Variants in C11orf21 observed in about 807,000 individuals in gnomAD.
C11orf21 encodes uncharacterized protein C11orf21.
Under a neutral mutation model 15.2 loss-of-function variants are expected in C11orf21, and 19 were observed. That is an observed-to-expected ratio of 1.25 (90% confidence interval 0.87 to 1.84). The LOEUF is 1.84. Ranked by LOEUF, C11orf21 falls within the 40% of genes most tolerant of loss-of-function variation. The pLI, the probability that C11orf21 is intolerant of heterozygous loss-of-function variation, is 0.00. For synonymous variants in C11orf21, 62 were observed against 66.8 expected, an observed-to-expected ratio of 0.93 and a Z score of 0.35; for missense variants, 171 against 174.4, an observed-to-expected ratio of 0.98 and a Z score of 0.11.
In C11orf21 at chr11:2,301,884, A is replaced by T. The variant is rs971146996; in HGVS notation, c.-76T>A. On this transcript the variant is annotated 5_prime_UTR_variant, in exon 1 of 4. Coordinates refer to ENST00000381153, the MANE Select transcript of C11orf21 (RefSeq NM_001329958.2). ...CATGTCTTCCTGGGAAGGGCCTCAG[A>T]TGTCAGCAAATGCCCTGGTGTCTTG... The T allele has an allele frequency of 4.1e-5, 64 of 1,547,288 alleles. No homozygotes were observed. Among genetic ancestry groups the T allele is most frequent in the Non-Finnish European group, 4.8e-5 (55 of 1,146,272 alleles).
In C11orf21 at chr11:2,299,427, C is replaced by G. The variant is rs2133268434; in HGVS notation, c.*28+1G>C. On this transcript the variant is annotated splice_donor_variant, in intron 3 of 3. Coordinates refer to ENST00000381153, the MANE Select transcript of C11orf21 (RefSeq NM_001329958.2). LOFTEE classifies it low-confidence loss of function (3UTR_SPLICE). ...TCCAGCCTCAGAGCCCGGCTGCTCA[C>G]CTCTGATGGACAGAAAAGGGTCCCT... 6.5e-7 allele frequency: 1 copy of G among 1,548,634 alleles called. No individual in the cohort carries two copies. The highest frequency in any genetic ancestry group is 2.4e-5 in the East Asian group (1 of 40,884).
chr11:2,297,251 A>G lies in C11orf21; in HGVS notation c.*699T>C, dbSNP rs1015172474. 2.0e-5 allele frequency: 3 copies of G among 152,372 alleles called. No individual in the cohort carries two copies. Among genetic ancestry groups the G allele is most frequent in the African/African-American group, 7.2e-5 (3 of 41,430 alleles). 9.4% of individuals were successfully genotyped at this position (152,372 alleles called of 1,614,324 possible). ...TGAGGTTGCTTCTCAGGGGAGCACC[A>G]CTGGTGGGCTGTCAGCTCCTGCCTG... On this transcript the variant is annotated 3_prime_UTR_variant, in exon 4 of 4. Coordinates refer to ENST00000381153, the MANE Select transcript of C11orf21 (RefSeq NM_001329958.2).
In C11orf21 at chr11:2,301,552, G is replaced by A. The variant is rs142247339; in HGVS notation, c.53+204C>T. 1,114 of 511,584 alleles carry A rather than the reference G, an allele frequency of 2.2e-3. 13 individuals carry two copies. The highest frequency in any genetic ancestry group is 0.019 in the African/African-American group (1,002 of 51,438). 31.7% of individuals were successfully genotyped at this position (511,584 alleles called of 1,614,324 possible). Reference sequence around the variant, plus strand: ...CCCTGTGGCCCCAAGAAGGCTCTGCGACAAAATATCCATGAGTGCCGCCCA... The same window carrying A: ...CCCTGTGGCCCCAAGAAGGCTCTGCAACAAAATATCCATGAGTGCCGCCCA... On this transcript the variant is annotated intron_variant, in intron 1 of 3. Coordinates refer to ENST00000381153, the MANE Select transcript of C11orf21 (RefSeq NM_001329958.2).
chr11:2,302,017 C>T (rs757112917), upstream of C11orf21: 11 of 1,492,734 alleles, frequency 7.4e-6, no homozygotes, highest in African/African-American at 4.2e-5. Context: ...GGTCCTAGGG[C>T]GATGTTGACA....
At chr11:2,302,580 A>G, upstream of C11orf21, 1 of 551,274 alleles carries the variant, frequency 1.8e-6, no homozygotes, top group East Asian at 3.1e-5. Flanking sequence ...CCGTAGACAC[A>G]ATGATCAGAG....
chr11:2,298,336 G>A (rs1224436051), intron 3 of C11orf21, among the ~76,000 whole-genome samples: 1 of 152,180 alleles, frequency 6.6e-6, no homozygotes, highest in Non-Finnish European at 1.5e-5. Context: ...TCCTGAGAGA[G>A]GCAACACTGC....
chr11:2,299,658 T>C lies in C11orf21; in HGVS notation c.197A>G (p.His66Arg). 1 of 1,551,006 alleles carries C rather than the reference T, an allele frequency of 6.4e-7. No homozygotes were observed. The highest frequency in any genetic ancestry group is 8.7e-7 in the Non-Finnish European group (1 of 1,146,892). ...GGTGGCAGGTGGAACAAGGGCACCA[T>C]GGGCGGAGGGTTGGGCAGCTGCAGG... ...MPPAAAQPSA[H>R]GALVPPATAH... The change falls in exon 3 of 4, where the codon CAT (histidine) becomes CGT (arginine). Residue 66 changes from histidine to arginine, a missense_variant. Transcript: ENST00000381153.
At chr11:2,301,666 T>C (rs768587799) in intron 1 of C11orf21, 90 bp downstream of exon 1, 104 of 1,029,698 alleles carry the variant, frequency 1.0e-4, no homozygotes, top group Non-Finnish European at 1.3e-4. Context: ...TCAATAATGA[T>C]GTTCCAAGGA....
At chr11:2,300,667 T>A (rs1232488013) in intron 1 of C11orf21, 54 bp from the exon 2 acceptor site, 3 of 1,549,668 alleles carry the variant, frequency 1.9e-6, no homozygotes, top group Non-Finnish European at 2.6e-6. Flanking sequence ...CCCGCCCTGC[T>A]CCGAAATTCT....
At chr11:2,300,343 G>C (rs1307631519) in intron 2 of C11orf21, among the ~76,000 whole-genome samples, 177 bp downstream of exon 2, 1 of 145,034 alleles carries the variant, frequency 6.9e-6, no homozygotes, top group Non-Finnish European at 1.5e-5. Context: ...GGTGTGCGGG[G>C]TGGGCAGGAG....
At chr11:2,301,094 C>T (rs992517036) in intron 1 of C11orf21, 51 of 352,344 alleles carry the variant, frequency 1.4e-4, no homozygotes, top group South Asian at 1.4e-3. Flanking sequence ...TCCTGGTTCT[C>T]CCTCCGCAGA....
chr11:2,295,761 T>C lies in C11orf21; in HGVS notation c.*2189A>G, dbSNP rs944159630. On this transcript the variant is annotated 3_prime_UTR_variant, in exon 4 of 4. Transcript: ENST00000381153. The surrounding 1 kb of genome is among the most constrained non-coding windows in gnomAD (Gnocchi z 5.4). ...AACCTGATCAATGACTAGGTCAATATTGGTTCATCAATTGCAAAGATGTAT... is the reference window on the plus strand; with the variant it reads ...AACCTGATCAATGACTAGGTCAATACTGGTTCATCAATTGCAAAGATGTAT... 6.6e-6 allele frequency: 1 copy of C among 152,186 alleles called. No individual in the cohort carries two copies. Among genetic ancestry groups the C allele is most frequent in the Non-Finnish European group, 1.5e-5 (1 of 68,044 alleles). 9.4% of individuals were successfully genotyped at this position (152,186 alleles called of 1,614,324 possible).
At chr11:2,298,566 C>T (rs1431355052) in intron 3 of C11orf21, among the ~76,000 whole-genome samples, 2 of 151,934 alleles carry the variant, frequency 1.3e-5, no homozygotes, top group Non-Finnish European at 2.9e-5. Context: ...CTGCCCAGGC[C>T]CGGGGGGTCA....
chr11:2,301,927 C>G (rs1847773832), upstream of C11orf21: 1 of 1,528,186 alleles, frequency 6.5e-7, no homozygotes, highest in Non-Finnish European at 8.8e-7. Context: ...CTGGGGGCAC[C>G]AGGGTGAGGT....
In C11orf21 at chr11:2,299,356, C is replaced by G. The variant is rs1007080492; in HGVS notation, c.*28+72G>C. On this transcript the variant is annotated intron_variant, in intron 3 of 3. Coordinates refer to ENST00000381153, the MANE Select transcript of C11orf21 (RefSeq NM_001329958.2). ...AGGTGGGAAGCTCTTGAGTGCCTCC[C>G]CGGTGGGAGGGGCCGCGCTCACAGA... is the stretch of plus-strand genomic sequence containing the variant. 2.1e-6 allele frequency: 3 copies of G among 1,460,276 alleles called. No homozygotes were observed. In the African/African-American group the frequency reaches 4.2e-5, roughly 21 times the overall value. 90.5% of individuals were successfully genotyped at this position (1,460,276 alleles called of 1,614,324 possible).
upstream of C11orf21, chr11:2,303,024 C>A: frequency 7.0e-7 from 1 of 1,420,524 alleles, no homozygotes; most frequent in Non-Finnish European, 9.8e-7. Flanking sequence ...TGGCACGAGC[C>A]CAGCTGGACG....
chr11:2,300,998 G>A, intron 1 of C11orf21: 1 of 563,624 alleles, frequency 1.8e-6, no homozygotes, highest in South Asian at 2.0e-5. Context: ...CAGACTCAGG[G>A]TGGGAATTCC....
upstream of C11orf21, chr11:2,302,099 A>G: frequency 6.7e-7 from 1 of 1,487,204 alleles, no homozygotes; most frequent in Non-Finnish European, 8.9e-7. Context: ...GCCCAGCTGG[A>G]AACCACAGGG....
At position 2,299,674 on chromosome 11, in the gene C11orf21, C is replaced by A; in HGVS notation, c.181G>T (p.Ala61Ser). The A allele has an allele frequency of 6.4e-7, 1 of 1,551,076 alleles. No homozygotes were observed. The highest frequency in any genetic ancestry group is 1.2e-5 in the South Asian group (1 of 84,062). Residue 61 changes from alanine to serine, a missense_variant, in exon 3 of 4, where the codon GCC becomes TCC. Coordinates refer to ENST00000381153, the MANE Select transcript of C11orf21 (RefSeq NM_001329958.2). ...APGSMMPPAA[A>S]QPSAHGALVP... ...AGGGCACCATGGGCGGAGGGTTGGG[C>A]AGCTGCAGGTGGCATCATTGAGCCA...
Sources: allele counts gnomAD v4.1 joint callset (sites outside exome capture counted in the v4.1 genomes callset), GRCh38; gene constraint gnomAD v4.1.1; non-coding constraint Gnocchi (gnomAD v3.1); transcripts MANE v1.5; gene names NCBI Gene and HGNC (gene_info 2026-07-23, HGNC 2026-07-21).